The following CTCFL variants were observed in gnomAD, a reference collection of about 807,000 sequenced individuals.
CTCFL encodes transcriptional repressor CTCFL.
CTCFL carries 36 observed loss-of-function variants against 67.4 expected under a neutral mutation model. That is an observed-to-expected ratio of 0.53 (90% CI 0.41 to 0.71). The LOEUF (loss-of-function observed/expected upper bound fraction) is 0.71, where lower values mean the gene tolerates loss of function less well. Ranked by LOEUF, CTCFL falls within the 30% of genes least tolerant of loss-of-function variation. The pLI is 0.00. For synonymous variants in CTCFL, 324 were observed against 302.3 expected (o/e 1.07, Z -0.75); for missense variants, 786 against 835.2 (o/e 0.94, Z 0.73).
At chr20:57,499,073 C>CGGGGGGGGGGG (rs11475885) in intron 10 of CTCFL, among the ~76,000 whole-genome samples, 6 of 65,430 alleles carry the variant, frequency 9.2e-5, no homozygotes, top group East Asian at 5.0e-4. Context: ...CTGAAGGTGA[C>CGGGGGGGGGGG]GGGGGGGGGG....
intron 9 of CTCFL, chr20:57,507,568 G>A: frequency 1.4e-6 from 1 of 702,804 alleles, no homozygotes; most frequent in Non-Finnish European, 2.6e-6. Flanking sequence ...CACTTGCTCT[G>A]AGTCAGGAGG....
At chr20:57,499,813 C>G (rs1463288529) in intron 10 of CTCFL, 5 of 225,264 alleles carry the variant, frequency 2.2e-5, no homozygotes, top group Non-Finnish European at 3.7e-5. Context: ...AACGCTGCCG[C>G]TGATCTGACA....
In CTCFL at chr20:57,503,463, C is replaced by A; in HGVS notation, c.1813G>T (p.Gly605Ter). 6.2e-7 allele frequency: 1 copy of A among 1,614,176 alleles called. No individual in the cohort carries two copies. Among genetic ancestry groups the A allele is most frequent in the East Asian group, 2.2e-5 (1 of 44,878 alleles). ...TCTCCGTTCGCGGCTTCCTTCCATC[C>A]CTTCGCAGCTTCCTTCTGACCCTTT... ...ATKGQKEAAK[G>*]WKEAANGDEA... The change falls in exon 10 of 11, where the codon GGA becomes TGA. Residue 605 changes from glycine to a stop codon, truncating the protein, a stop_gained. Transcript: ENST00000243914. LOFTEE classifies it low-confidence loss of function (END_TRUNC).
At chr20:57,500,293 A>T in intron 10 of CTCFL, 4 of 748,672 alleles carry the variant, frequency 5.3e-6, no homozygotes, top group Non-Finnish European at 7.5e-6. Context: ...CTCTACTAAA[A>T]ATAATAGAAC....
At chr20:57,522,798 C>T (rs2069481775) in intron 3 of CTCFL, among the ~76,000 whole-genome samples, 1 of 152,206 alleles carries the variant, frequency 6.6e-6, no homozygotes, top group Admixed American at 6.5e-5. Flanking sequence ...GCAAACTAGG[C>T]AGCAGAGACC....
chr20:57,504,045 C>T (rs1302497566), intron 9 of CTCFL, among the ~76,000 whole-genome samples: 12 of 152,090 alleles, frequency 7.9e-5, no homozygotes, highest in South Asian at 2.1e-4. Context: ...GGCGCCATCT[C>T]GGCTCACTGC....
chr20:57,518,717 A>C (rs1411702553), intron 5 of CTCFL, 41 bp downstream of exon 5: 1 of 1,614,020 alleles, frequency 6.2e-7, no homozygotes, highest in Non-Finnish European at 8.5e-7. Context: ...AGCAGCCTCT[A>C]CTAAGATGCC....
chr20:57,523,115 G>C lies in CTCFL; in HGVS notation c.707C>G (p.Ala236Gly). 6.2e-7 allele frequency: 1 copy of C among 1,613,904 alleles called. No homozygotes were observed. Among genetic ancestry groups the C allele is most frequent in the Non-Finnish European group, 8.5e-7 (1 of 1,179,968 alleles). The part of the protein sequence containing the change: ...EQEDQPTAGQ[A>G]DAEKAKSTKN... ...TGTAGATTTGGCCTTTTCAGCATCT[G>C]CTTGACCAGCTGTAGGTTGATCCTC... Residue 236 changes from alanine (A) to glycine (G), a missense_variant, in exon 3 of 11, where the codon GCA becomes GGA. Transcript: ENST00000243914.
At chr20:57,523,414 A>C in intron 2 of CTCFL, 136 bp from the exon 3 acceptor site, 1 of 1,000,158 alleles carries the variant, frequency 1.0e-6, no homozygotes, top group Non-Finnish European at 1.4e-6. Flanking sequence ...ATTTCGCATC[A>C]GGGTTGTGGC....
intron 7 of CTCFL, chr20:57,514,001 G>C: frequency 1.3e-6 from 1 of 775,050 alleles, no homozygotes; most frequent in South Asian, 1.6e-5. Flanking sequence ...AGACCCTCTG[G>C]ATTCCCTCTC....
chr20:57,502,067 G>T (rs1259380633), intron 10 of CTCFL, among the ~76,000 whole-genome samples: 1 of 152,242 alleles, frequency 6.6e-6, no homozygotes, highest in East Asian at 1.9e-4. Flanking sequence ...CAATTCTGGA[G>T]AGTTCCAACT....
chr20:57,517,283 CTTTTTTTTT>C (rs77609219), intron 5 of CTCFL, among the ~76,000 whole-genome samples: 2 of 130,774 alleles, frequency 1.5e-5, no homozygotes, highest in Non-Finnish European at 3.3e-5. Flanking sequence ...AGTTCAAATG[CTTTTTTTTT>C]TTTTTTTTTG....
intron 1 of CTCFL, 38 bp from the exon 2 acceptor site, chr20:57,524,254 A>G (rs1600688294): frequency 6.4e-7 from 1 of 1,553,740 alleles, no homozygotes; most frequent in Non-Finnish European, 8.7e-7. Flanking sequence ...CATAGGGGGG[A>G]GAAGGGGGTG....
chr20:57,504,566 G>C (rs112917527), intron 9 of CTCFL, among the ~76,000 whole-genome samples: 2 of 151,796 alleles, frequency 1.3e-5, no homozygotes, highest in African/African-American at 4.8e-5. Flanking sequence ...ACAGGCGTGA[G>C]CCACCGCACT....
chr20:57,508,831 G>A, intron 8 of CTCFL, 43 bp from the exon 9 acceptor site: 1 of 1,563,890 alleles, frequency 6.4e-7, no homozygotes, highest in Non-Finnish European at 8.8e-7. Context: ...AGTTCAAAGG[G>A]TTTTCTCGAT....
chr20:57,499,761 C>T (rs79683305), intron 10 of CTCFL: 1 of 165,342 alleles, frequency 6.0e-6, no homozygotes, highest in Non-Finnish European at 1.3e-5. Context: ...AGATCCCTTG[C>T]ACGTGCAGAG....
At chr20:57,513,875 G>T (rs970135749) in intron 7 of CTCFL, 1 of 1,289,016 alleles carries the variant, frequency 7.8e-7, no homozygotes, top group Non-Finnish European at 1.0e-6. Flanking sequence ...CAGGAATCCT[G>T]AAACAAAGAA....
chr20:57,502,180 G>A (rs118121967), intron 10 of CTCFL, among the ~76,000 whole-genome samples: 1 of 152,208 alleles, frequency 6.6e-6, no homozygotes, highest in Non-Finnish European at 1.5e-5. Context: ...CAGGCCGGGG[G>A]CACACCCAGG....
chr20:57,514,686 G>T lies in CTCFL; in HGVS notation c.1236C>A (p.Thr412=), dbSNP rs752736691. The change falls in exon 7 of 11, where the codon ACC becomes ACA. Residue 412 remains threonine, a synonymous_variant. Coordinates refer to ENST00000243914, the MANE Select transcript of CTCFL (RefSeq NM_001386993.1). ...GTTTCTGCAGAATATGTATTTTCAT[G>T]GTCCCGCTCTGGGTGAAGCGGGTGT... The part of the protein sequence containing the change: ...ICHTRFTQSG[T]MKIHILQKHG... 12 of 1,614,182 alleles carry T rather than the reference G, an allele frequency of 7.4e-6. No homozygotes were observed. In the South Asian group the frequency reaches 1.2e-4, roughly 16 times the overall value.
Sources: allele counts gnomAD v4.1 joint callset (sites outside exome capture counted in the v4.1 genomes callset), GRCh38; gene constraint gnomAD v4.1.1; transcripts MANE v1.5; gene names NCBI Gene and HGNC (gene_info 2026-07-23, HGNC 2026-07-21).